The following CTNNA3 variants were observed in gnomAD, a reference collection of about 807,000 sequenced individuals.
The protein encoded by CTNNA3 is catenin alpha 3.
CTNNA3 carries 76 observed loss-of-function variants against 95.7 expected under a neutral mutation model. The ratio of observed to expected loss-of-function variants is 0.79; its 90% CI spans 0.66 to 0.96. CTNNA3 has a LOEUF of 0.96. CTNNA3 is among the 40% of genes least tolerant of loss of function. The probability of loss-of-function intolerance (pLI) is 0.00; values close to 1 mark genes in which losing one functional copy is unlikely to be tolerated. For missense variants in CTNNA3, 1,191 were observed against 1,089.8 expected, an observed-to-expected ratio of 1.09 and a Z score of -1.31; for synonymous variants, 431 against 374.4, an observed-to-expected ratio of 1.15 and a Z score of -1.74.
chr10:66,143,459 G>C (rs78358144), intron 13 of CTNNA3, among the ~76,000 whole-genome samples: 1 of 152,034 alleles, frequency 6.6e-6, no homozygotes, highest in African/African-American at 2.4e-5. Flanking sequence ...CAGTTTGGTC[G>C]TCAAATATAT....
chr10:66,149,184 A>C (rs2084056525), intron 13 of CTNNA3, among the ~76,000 whole-genome samples: 1 of 148,178 alleles, frequency 6.7e-6, no homozygotes, highest in South Asian at 2.1e-4. Flanking sequence ...ATAGTTAACT[A>C]TATAGTTAAT....
chr10:66,535,359 G>A (rs908733920), intron 10 of CTNNA3, among the ~76,000 whole-genome samples: 4 of 152,086 alleles, frequency 2.6e-5, no homozygotes, highest in East Asian at 3.9e-4. Flanking sequence ...AGATAAATAC[G>A]GCTATGGTTC....
intron 3 of CTNNA3, among the ~76,000 whole-genome samples, chr10:67,572,256 T>TA (rs1374572725): frequency 6.6e-6 from 1 of 152,202 alleles, no homozygotes; most frequent in Admixed American, 6.6e-5. Flanking sequence ...CCAAAATATT[T>TA]AAAATCACAT....
intron 11 of CTNNA3, among the ~76,000 whole-genome samples, chr10:66,404,108 A>T (rs1391470893): frequency 1.3e-5 from 2 of 151,968 alleles, no homozygotes; most frequent in African/African-American, 4.8e-5. Context: ...TTTCAGACTA[A>T]CCCCAACTGG....
At chr10:66,367,616 C>T (rs2092719264) in intron 12 of CTNNA3, among the ~76,000 whole-genome samples, 1 of 149,292 alleles carries the variant, frequency 6.7e-6, no homozygotes, top group Non-Finnish European at 1.5e-5. Context: ...TTAACAATGA[C>T]AAAAGAAATG....
At chr10:66,145,941 T>C (rs999290426) in intron 13 of CTNNA3, among the ~76,000 whole-genome samples, 3 of 151,948 alleles carry the variant, frequency 2.0e-5, no homozygotes, top group African/African-American at 7.3e-5. Context: ...GCAACTTCTA[T>C]CTCCCCGGTT....
At chr10:66,269,151 G>A (rs970490258) in intron 13 of CTNNA3, among the ~76,000 whole-genome samples, 4 of 152,168 alleles carry the variant, frequency 2.6e-5, no homozygotes, top group Non-Finnish European at 4.4e-5. Context: ...CCATCCTTAC[G>A]TAGGTATCTT....
intron 12 of CTNNA3, among the ~76,000 whole-genome samples, chr10:66,322,464 G>A (rs1219815554): frequency 1.3e-5 from 2 of 152,028 alleles, no homozygotes; most frequent in East Asian, 1.9e-4. Flanking sequence ...AGAAATCAAA[G>A]TTCAGTTGGA....
intron 7 of CTNNA3, among the ~76,000 whole-genome samples, chr10:66,838,600 C>T (rs1842954163): frequency 6.6e-6 from 1 of 152,088 alleles, no homozygotes; most frequent in African/African-American, 2.4e-5. Context: ...CTATCATAGG[C>T]TTGGACAGCA....
At chr10:66,444,073 A>C (rs1429958725) in intron 11 of CTNNA3, among the ~76,000 whole-genome samples, 1 of 152,240 alleles carries the variant, frequency 6.6e-6, no homozygotes, top group Non-Finnish European at 1.5e-5. Flanking sequence ...AAAGGGTATC[A>C]GTGATGCAAG....
chr10:67,560,821 A>T (rs12358289), intron 3 of CTNNA3, among the ~76,000 whole-genome samples: 20,768 of 151,872 alleles, frequency 0.14, 3,180 homozygotes, highest in African/African-American at 0.38. Flanking sequence ...AAACAAAAAA[A>T]GGCAGGGGTT....
At chr10:67,032,464 A>G (rs1377940615) in intron 7 of CTNNA3, among the ~76,000 whole-genome samples, 3 of 152,164 alleles carry the variant, frequency 2.0e-5, no homozygotes, top group African/African-American at 4.8e-5. Flanking sequence ...AGGAGGAAAA[A>G]AAGAATATGG....
intron 3 of CTNNA3, among the ~76,000 whole-genome samples, chr10:67,543,718 G>T (rs1045941765): frequency 2.0e-5 from 3 of 152,072 alleles, no homozygotes; most frequent in Non-Finnish European, 2.9e-5. Context: ...CATATAACAT[G>T]CATTAGTACA....
intron 9 of CTNNA3, among the ~76,000 whole-genome samples, chr10:66,660,312 G>C (rs7076921): frequency 0.66 from 100,282 of 152,040 alleles, 33,975 homozygotes; most frequent in East Asian, 0.95. Context: ...TAAAATATTA[G>C]TTGATAGTCT....
intron 10 of CTNNA3, among the ~76,000 whole-genome samples, chr10:66,529,542 G>T (rs951716034): frequency 6.7e-6 from 1 of 149,828 alleles, no homozygotes; most frequent in Admixed American, 6.7e-5. Flanking sequence ...AGAGAAAAAT[G>T]ACTTCTTTCC....
intron 5 of CTNNA3, among the ~76,000 whole-genome samples, chr10:67,330,567 C>G (rs1841740573): frequency 6.6e-6 from 1 of 152,156 alleles, no homozygotes; most frequent in African/African-American, 2.4e-5. Context: ...GGCTTAATAG[C>G]TTCCTACACA....
At chr10:67,703,198 C>T (rs905777401) in intron 1 of CTNNA3, among the ~76,000 whole-genome samples, 34 of 152,244 alleles carry the variant, frequency 2.2e-4, no homozygotes, top group Middle Eastern at 3.4e-3. Flanking sequence ...ACCAGAGGTA[C>T]AAACAGGAGC....
intron 10 of CTNNA3, among the ~76,000 whole-genome samples, chr10:66,574,421 T>C (rs907194455): frequency 6.6e-6 from 1 of 151,728 alleles, no homozygotes; most frequent in Non-Finnish European, 1.5e-5. Flanking sequence ...TAGGGAGAAA[T>C]GGAATCAAAA....
rs1015427003 is a variant in CTNNA3, at chr10:66,893,015, C to T, written c.1048-117491G>A. On this transcript the variant is annotated intron_variant, in intron 7 of 17. Coordinates refer to ENST00000433211, the MANE Select transcript of CTNNA3 (RefSeq NM_013266.4). Reference sequence around the variant, plus strand: ...CTCTTTCACTTGCAAATCCCCTCAACTGTCATGTTTAGTTGTCTCTTTGAG... The same window carrying T: ...CTCTTTCACTTGCAAATCCCCTCAATTGTCATGTTTAGTTGTCTCTTTGAG... Among the ~76,000 whole-genome samples the T allele has an allele frequency of 2.0e-5, 3 of 152,232 alleles. No homozygotes were observed. In the South Asian group the frequency reaches 6.2e-4, roughly 32 times the overall value.
Sources: allele counts gnomAD v4.1 joint callset (sites outside exome capture counted in the v4.1 genomes callset), GRCh38; gene constraint gnomAD v4.1.1; transcripts MANE v1.5; gene names NCBI Gene and HGNC (gene_info 2026-07-23, HGNC 2026-07-21).